C5: variants seen among roughly 807,000 people sequenced by gnomAD.
C5 encodes complement C5, also known as C3 and PZP-like alpha-2-macroglobulin domain-containing protein 4.
Under a neutral mutation model 218.8 loss-of-function variants are expected in C5, and 140 were observed. The observed-to-expected ratio is 0.64, with a 90% CI of 0.56 to 0.74. The LOEUF (loss-of-function observed/expected upper bound fraction) is 0.74, where lower values mean the gene tolerates loss of function less well. Ranked by LOEUF, C5 falls within the 30% of genes least tolerant of loss-of-function variation. The pLI is 0.00. For synonymous variants in C5, 614 were observed against 682.3 expected (o/e 0.90, Z 1.56); for missense variants, 1,700 against 1,969.6 (o/e 0.86, Z 2.59).
chr9:121,045,664 A>G (rs904396892), intron 2 of C5, among the ~76,000 whole-genome samples: 1 of 152,146 alleles, frequency 6.6e-6, no homozygotes, highest in African/African-American at 2.4e-5. Context: ...ATACTACAAT[A>G]TCTTAATAGG....
At chr9:121,073,552 T>C in the C5 span, among the ~76,000 whole-genome samples, 1 of 141,474 alleles carries the variant, frequency 7.1e-6, no homozygotes, top group Non-Finnish European at 1.5e-5. Context: ...AGTCTCGCTC[T>C]GTCGTCCAGG....
chr9:120,995,501 T>A (rs2047109401), intron 22 of C5, among the ~76,000 whole-genome samples: 1 of 152,088 alleles, frequency 6.6e-6, no homozygotes, highest in Admixed American at 6.6e-5. Context: ...GAAGGAAAAG[T>A]AGGGAAGCAG....
At chr9:121,073,962 A>C in the C5 span, among the ~76,000 whole-genome samples, 1 of 150,610 alleles carries the variant, frequency 6.6e-6, no homozygotes, top group Non-Finnish European at 1.5e-5. Flanking sequence ...GTAGTGAAGA[A>C]AGGAAATGAA....
intron 5 of C5, among the ~76,000 whole-genome samples, chr9:121,032,714 A>G (rs1179315910): frequency 3.3e-5 from 5 of 152,200 alleles, no homozygotes; most frequent in Non-Finnish European, 7.3e-5. Context: ...AAAAACATAT[A>G]CTAGGCCAGG....
chr9:120,961,456 G>C (rs1404114020), intron 37 of C5, 26 bp downstream of exon 37: 1 of 1,476,190 alleles, frequency 6.8e-7, no homozygotes, highest in Non-Finnish European at 9.5e-7. Context: ...TAAGCATGCA[G>C]CCTAAATATG....
At chr9:121,023,360 A>G in intron 10 of C5, 44 bp downstream of exon 10, 3 of 1,162,670 alleles carry the variant, frequency 2.6e-6, no homozygotes, top group Non-Finnish European at 3.9e-6. Flanking sequence ...TGAACAGAAC[A>G]AGATGATCAT....
intron 6 of C5, among the ~76,000 whole-genome samples, chr9:121,031,889 C>A (rs1394927819): frequency 6.6e-6 from 1 of 152,044 alleles, no homozygotes; most frequent in Non-Finnish European, 1.5e-5. Flanking sequence ...GATGGTGACA[C>A]CCTGTCTCTA....
rs2046775720 is a variant in C5 at position 120,955,176 on chromosome 9, C to T, written c.4763-1308G>A. 2.0e-5 allele frequency among the ~76,000 whole-genome samples: 3 copies of T among 152,096 alleles called. No homozygotes were observed. The South Asian group carries it at 6.2e-4, about 31-fold the overall frequency. ...TTATGGTCACTGTGCCACAATTCTTCTGTAAGTAGTGTGTGGTATTTTTAT... is the reference window on the plus strand; with the variant it reads ...TTATGGTCACTGTGCCACAATTCTTTTGTAAGTAGTGTGTGGTATTTTTAT... On this transcript the variant is annotated intron_variant, in intron 39 of 40. Coordinates refer to ENST00000223642, the MANE Select transcript of C5 (RefSeq NM_001735.3).
intron 1 of C5, among the ~76,000 whole-genome samples, chr9:121,047,448 G>T (rs1265700518): frequency 6.6e-6 from 1 of 152,082 alleles, no homozygotes; most frequent in Non-Finnish European, 1.5e-5. Context: ...ATTACTAAGT[G>T]TATATCACAA....
intron 26 of C5, 61 bp downstream of exon 26, chr9:120,982,594 G>T: frequency 7.7e-7 from 1 of 1,294,400 alleles, no homozygotes; most frequent in Non-Finnish European, 1.1e-6. Context: ...CCCATAATCA[G>T]ATGAGAATAA....
intron 25 of C5, among the ~76,000 whole-genome samples, chr9:120,984,418 CA>C (rs2047017778): frequency 2.0e-5 from 3 of 152,156 alleles, no homozygotes; most frequent in African/African-American, 7.2e-5. Flanking sequence ...CTCACATTTT[CA>C]AAGATTGGCC....
chr9:121,074,107 G>A, the C5 span, among the ~76,000 whole-genome samples: 1 of 152,272 alleles, frequency 6.6e-6, no homozygotes, highest in East Asian at 1.9e-4. Flanking sequence ...TCAAGGATGG[G>A]GAGCGATTGC....
At chr9:120,991,842 A>T (rs2131714995) in intron 22 of C5, among the ~76,000 whole-genome samples, 1 of 152,352 alleles carries the variant, frequency 6.6e-6, no homozygotes, top group Middle Eastern at 3.4e-3. Context: ...ATAGAGTACC[A>T]AGCATGCTAC....
rs925548075 is a variant in C5 at position 121,042,951 on chromosome 9, G to A, written c.421+53C>T. 2.6e-5 allele frequency: 37 copies of A among 1,427,978 alleles called. No individual in the cohort carries two copies. In the East Asian group the frequency reaches 3.4e-4, roughly 13 times the overall value. 88.5% of individuals were successfully genotyped at this position (1,427,978 alleles called of 1,614,324 possible). ...AGGTATTAAAAAGCTCTACAATATA[G>A]TGTCAATACTGTCAAATCCCCCACC... On this transcript the variant is annotated intron_variant, in intron 3 of 40. Coordinates refer to ENST00000223642, the MANE Select transcript of C5 (RefSeq NM_001735.3).
intron 11 of C5, among the ~76,000 whole-genome samples, chr9:121,020,963 A>T (rs1449484325): frequency 6.6e-6 from 1 of 152,274 alleles, no homozygotes; most frequent in Non-Finnish European, 1.5e-5. Context: ...GACAGTGAGC[A>T]TATGCATGCT....
intron 10 of C5, among the ~76,000 whole-genome samples, chr9:121,022,973 A>G (rs1325347491): frequency 6.6e-6 from 1 of 151,910 alleles, no homozygotes; most frequent in Non-Finnish European, 1.5e-5. Context: ...AGAGGGAAAC[A>G]AATGAGACAC....
Position 120,984,521 on chromosome 9 carries a change from G to T in C5, c.3231-1707C>A, listed in dbSNP as rs7861142. On this transcript the variant is annotated intron_variant, in intron 25 of 40. Transcript: ENST00000223642. Reference sequence around the variant, plus strand: ...GAAAGGCATATGAGTGCAGTTATACGGCCAGGCTGCCTCTCCACTTATCTA... The same window carrying T: ...GAAAGGCATATGAGTGCAGTTATACTGCCAGGCTGCCTCTCCACTTATCTA... Among the ~76,000 whole-genome samples, 229 of 151,960 alleles carry T rather than the reference G, an allele frequency of 1.5e-3. 2 individuals are homozygous for T. Among genetic ancestry groups the T allele is most frequent in the African/African-American group, 4.9e-3 (201 of 41,420 alleles).
At chr9:121,037,479 A>G (rs1363227059) in intron 4 of C5, among the ~76,000 whole-genome samples, 1 of 151,546 alleles carries the variant, frequency 6.6e-6, no homozygotes, top group African/African-American at 2.4e-5. Flanking sequence ...GCACCAGCTA[A>G]TTTTTTGTAT....
At chr9:120,956,786 A>G (rs1293236768) in intron 39 of C5, among the ~76,000 whole-genome samples, 1 of 152,314 alleles carries the variant, frequency 6.6e-6, no homozygotes, top group East Asian at 1.9e-4. Context: ...GTAACAGAAA[A>G]CCAAATATCA....
Sources: gnomAD v4.1 joint callset for allele counts (sites outside exome capture counted in the v4.1 genomes callset) on GRCh38, gnomAD v4.1.1 for gene constraint, MANE v1.5 for transcripts, NCBI Gene and HGNC (gene_info 2026-07-23, HGNC 2026-07-21) for gene names.